GNG2: variants seen among roughly 807,000 people sequenced by gnomAD.
The protein encoded by GNG2 is G protein subunit gamma 2.
Under a neutral mutation model 5.5 loss-of-function variants are expected in GNG2, and 5 were observed. The observed-to-expected ratio is 0.91, with a 90% CI of 0.48 to 1.92. GNG2 has a LOEUF of 1.92. Ranked by LOEUF, GNG2 falls within the 30% of genes most tolerant of loss-of-function variation. The pLI is 0.01. For synonymous variants in GNG2, 28 were observed against 32.0 expected, an observed-to-expected ratio of 0.88 and a Z score of 0.42; for missense variants, 55 against 88.4, an observed-to-expected ratio of 0.62 and a Z score of 1.52.
At chr14:51,911,175 G>GTGTAAA (rs1322306974) in intron 2 of GNG2, among the ~76,000 whole-genome samples, 2 of 152,202 alleles carry the variant, frequency 1.3e-5, no homozygotes, top group Non-Finnish European at 2.9e-5. Context: ...GGCATGTGCA[G>GTGTAAA]CAATGCAAAA....
At position 51,967,152 on chromosome 14, in the gene GNG2, G is replaced by A. The variant is rs1889977678; in HGVS notation, c.*465G>A. The A allele has an allele frequency of 6.5e-6, 1 of 154,418 alleles. No individual in the cohort carries two copies. The highest frequency in any genetic ancestry group is 1.4e-5 in the Non-Finnish European group (1 of 69,716). The allele number at this position is 154,418 out of a possible 1,614,324, so 9.6% of individuals were successfully genotyped here. ...AATGGCATTGATGTATAGTCACTGT[G>A]CCTTTCTTTTTCTTTCTTCCTTCTC... On this transcript the variant is annotated 3_prime_UTR_variant, in exon 4 of 4. Coordinates refer to ENST00000556766, the MANE Select transcript of GNG2 (RefSeq NM_053064.5).
chr14:51,888,661 A>T (rs1884626924), intron 2 of GNG2, among the ~76,000 whole-genome samples: 1 of 152,132 alleles, frequency 6.6e-6, no homozygotes, highest in African/African-American at 2.4e-5. Context: ...ACCACAGCTG[A>T]CGTCTCCATT....
upstream of GNG2, among the ~76,000 whole-genome samples, chr14:51,858,129 C>T (rs918821890): frequency 3.3e-5 from 5 of 152,112 alleles, no homozygotes; most frequent in African/African-American, 1.2e-4. Flanking sequence ...CTATTAATGG[C>T]GAGATGTCAT....
Position 51,949,120 on chromosome 14 carries a change from C to CAAA in GNG2, c.-29-1516_-29-1514dup, listed in dbSNP as rs1179223330. Among the ~76,000 whole-genome samples, 89 of 77,034 alleles carry CAAA rather than the reference C, an allele frequency of 1.2e-3. 1 individual carries two copies. Among genetic ancestry groups the CAAA allele is most frequent in the African/African-American group, 3.4e-3 (84 of 24,372 alleles). The allele number at this position is 77,034 out of a possible 152,430, so 50.5% of individuals were successfully genotyped here. A position where few individuals can be genotyped will look rare whatever the true frequency, so the allele number is the denominator to read the frequency against. Reference sequence around the variant, plus strand: ...TGGGCGACAGAGGCAGACTCCGTCTCAAAAAAAAAAAAAAAAGAAAAGAAA... The same window carrying CAAA: ...TGGGCGACAGAGGCAGACTCCGTCTCAAAAAAAAAAAAAAAAAAAGAAAAGAAA... On this transcript the variant is annotated intron_variant, in intron 2 of 3. Coordinates refer to ENST00000556766, the MANE Select transcript of GNG2 (RefSeq NM_053064.5).
chr14:51,910,676 C>A (rs1886237199), intron 2 of GNG2, among the ~76,000 whole-genome samples: 1 of 152,178 alleles, frequency 6.6e-6, no homozygotes, highest in South Asian at 2.1e-4. Context: ...CTTGTCTGAG[C>A]CTACTTTTAC....
At chr14:51,870,313 G>A (rs1883216666) in intron 1 of GNG2, among the ~76,000 whole-genome samples, 1 of 151,602 alleles carries the variant, frequency 6.6e-6, no homozygotes, top group Non-Finnish European at 1.5e-5. Flanking sequence ...GAAGAATCCT[G>A]GCGAAAAACA....
chr14:51,875,993 A>G (rs956624238), intron 1 of GNG2, among the ~76,000 whole-genome samples: 2 of 146,068 alleles, frequency 1.4e-5, no homozygotes, highest in South Asian at 4.2e-4. Flanking sequence ...GCTAGAGTAC[A>G]GTAGCATGAT....
exon 2 of GNG2, chr14:51,827,751 G>A (rs939574849): frequency 4.3e-6 from 3 of 701,534 alleles, no homozygotes; most frequent in Admixed American, 2.0e-5. Context: ...GGCATGCAGG[G>A]GAAATTGCAA....
intron 2 of GNG2, among the ~76,000 whole-genome samples, chr14:51,851,815 T>G (rs1015813663): frequency 2.6e-5 from 4 of 152,252 alleles, no homozygotes; most frequent in African/African-American, 7.2e-5. Flanking sequence ...CTTTCTTCTC[T>G]CTTGCCTATA....
chr14:51,836,204 T>C (rs186976490), intron 2 of GNG2, among the ~76,000 whole-genome samples: 1 of 152,156 alleles, frequency 6.6e-6, no homozygotes, highest in Admixed American at 6.6e-5. Flanking sequence ...GCGTCCACCC[T>C]CATGACCTGA....
intron 2 of GNG2, among the ~76,000 whole-genome samples, chr14:51,830,762 C>T (rs2140070021): frequency 6.6e-6 from 1 of 152,302 alleles, no homozygotes; most frequent in South Asian, 2.1e-4. Flanking sequence ...AATAAGCCTC[C>T]TTGCTTTCAT....
intron 2 of GNG2, among the ~76,000 whole-genome samples, chr14:51,936,077 G>A (rs894469583): frequency 6.6e-6 from 1 of 152,070 alleles, no homozygotes; most frequent in Non-Finnish European, 1.5e-5. Context: ...AGTCTCCAGG[G>A]ACCGCCAGAA....
chr14:51,945,275 A>G (rs1362793992), intron 2 of GNG2, among the ~76,000 whole-genome samples: 1 of 152,216 alleles, frequency 6.6e-6, no homozygotes, highest in Non-Finnish European at 1.5e-5. Flanking sequence ...AAAACATGGA[A>G]CCAACCAAAG....
chr14:51,912,420 C>A (rs887106375), intron 2 of GNG2, among the ~76,000 whole-genome samples: 1 of 152,136 alleles, frequency 6.6e-6, no homozygotes, highest in South Asian at 2.1e-4. Flanking sequence ...TAATGTTACA[C>A]CCTCACTGAT....
At chr14:51,923,553 A>G (rs1436478193) in intron 2 of GNG2, among the ~76,000 whole-genome samples, 1 of 103,724 alleles carries the variant, frequency 9.6e-6, no homozygotes, top group African/African-American at 3.3e-5. Context: ...ACACATATAT[A>G]TACAAACACA....
At position 51,837,851 on chromosome 14, in the gene GNG2, C is replaced by A. The variant is rs112980640; in HGVS notation, c.64+10044C>A. On this transcript the variant is annotated intron_variant, in intron 2 of 3. Transcript: ENST00000553432. ...TGTCCAGAGGGCAATAATAGTGTAACCTTGGAGTGATATTTCCAACCAAGA... is the reference window on the plus strand; with the variant it reads ...TGTCCAGAGGGCAATAATAGTGTAAACTTGGAGTGATATTTCCAACCAAGA... Among the ~76,000 whole-genome samples, 989 of 152,182 alleles carry A rather than the reference C, an allele frequency of 6.5e-3. 11 individuals are homozygous for A. Among genetic ancestry groups the A allele is most frequent in the African/African-American group, 0.023 (943 of 41,512 alleles).
intron 1 of GNG2, among the ~76,000 whole-genome samples, chr14:51,867,495 C>G (rs1157901045): frequency 1.3e-5 from 2 of 152,366 alleles, no homozygotes; most frequent in East Asian, 3.9e-4. Context: ...ACTTCACTGT[C>G]TTCCTCACCA....
intron 1 of GNG2, among the ~76,000 whole-genome samples, chr14:51,867,988 T>C (rs2140115288): frequency 6.6e-6 from 1 of 152,290 alleles, no homozygotes; most frequent in South Asian, 2.1e-4. Context: ...CACAATGCAG[T>C]TTGTTTATCA....
At chr14:51,955,591 T>G (rs1475618138) in intron 3 of GNG2, among the ~76,000 whole-genome samples, 1 of 152,184 alleles carries the variant, frequency 6.6e-6, no homozygotes. Context: ...AACAAAACAT[T>G]ACTATATTCC....
Sources: allele counts gnomAD v4.1 joint callset (sites outside exome capture counted in the v4.1 genomes callset), GRCh38; gene constraint gnomAD v4.1.1; transcripts MANE v1.5; gene names NCBI Gene and HGNC (gene_info 2026-07-23, HGNC 2026-07-21).